Variants in SPOCK1 observed in about 807,000 individuals in gnomAD.
SPOCK1 encodes SPARC (osteonectin), cwcv and kazal like domains proteoglycan 1.
A neutral mutation model predicts 55.3 loss-of-function variants in SPOCK1; 23 were observed. That is an observed-to-expected ratio of 0.42 (90% CI 0.30 to 0.59). SPOCK1 has a LOEUF of 0.59. Among genes scored for constraint, SPOCK1 ranks in the 20% least tolerant of loss-of-function variants. The probability of loss-of-function intolerance (pLI) is 0.22; values close to 1 mark genes in which losing one functional copy is unlikely to be tolerated. For missense variants in SPOCK1, 499 were observed against 552.5 expected (o/e 0.90, Z 0.97); for synonymous variants, 226 against 221.0 (o/e 1.02, Z -0.20).
Position 137,310,678 on chromosome 5 carries a change from T to C in SPOCK1, c.187-43623A>G, listed in dbSNP as rs578249540. Among the ~76,000 whole-genome samples the C allele has an allele frequency of 4.6e-5, 7 of 152,348 alleles. No individual in the cohort carries two copies. In the South Asian group the frequency reaches 1.2e-3, roughly 27 times the overall value. On this transcript the variant is annotated intron_variant, in intron 2 of 10. Coordinates refer to ENST00000394945, the MANE Select transcript of SPOCK1 (RefSeq NM_004598.4). Reference sequence around the variant, plus strand: ...CTGTTCCACTCAAACAAAGTGGGAATCTGCATCTGAAAATGACAGTTCCAA... The same window carrying C: ...CTGTTCCACTCAAACAAAGTGGGAACCTGCATCTGAAAATGACAGTTCCAA...
At chr5:137,159,778 T>A (rs1412757875) in intron 3 of SPOCK1, among the ~76,000 whole-genome samples, 1 of 152,162 alleles carries the variant, frequency 6.6e-6, no homozygotes, top group Non-Finnish European at 1.5e-5. Flanking sequence ...TCTTTGCAAT[T>A]ATGAACTGTC....
Position 137,013,219 on chromosome 5 carries a change from GGTTTTGTTTT to G in SPOCK1, c.590-20629_590-20620del, listed in dbSNP as rs561146794. Among the ~76,000 whole-genome samples, 869 of 142,888 alleles carry G rather than the reference GGTTTTGTTTT, an allele frequency of 6.1e-3. 4 individuals are homozygous for G. Among genetic ancestry groups the G allele is most frequent in the Admixed American group, 9.1e-3 (134 of 14,662 alleles). The allele number at this position is 142,888 out of a possible 152,430, so 93.7% of individuals were successfully genotyped here. A position where few individuals can be genotyped will look rare whatever the true frequency, so the allele number is the denominator to read the frequency against. On this transcript the variant is annotated intron_variant, in intron 6 of 10. Transcript: ENST00000394945. ...TCCATCATTTTGTGATTTCTTTTTAGGTTTTGTTTTGTTTTGTTTTGTTTTTTGGCCTAAG... is the reference window on the plus strand; with the variant it reads ...TCCATCATTTTGTGATTTCTTTTTAGGTTTTGTTTTGTTTTTTGGCCTAAG...
chr5:137,378,948 AC>A (rs1470578341), intron 2 of SPOCK1, among the ~76,000 whole-genome samples: 1 of 152,126 alleles, frequency 6.6e-6, no homozygotes, highest in African/African-American at 2.4e-5. Flanking sequence ...TCACTGCTGT[AC>A]CCTGAGCCAC....
chr5:136,992,158 A>G (rs1196892003), intron 7 of SPOCK1, among the ~76,000 whole-genome samples: 2 of 152,198 alleles, frequency 1.3e-5, no homozygotes, highest in African/African-American at 2.4e-5. Context: ...ACATTTCTAC[A>G]TGGTAAAAGA....
intron 2 of SPOCK1, among the ~76,000 whole-genome samples, chr5:137,326,619 T>C (rs1172336430): frequency 1.3e-5 from 2 of 152,230 alleles, no homozygotes; most frequent in East Asian, 1.9e-4. Flanking sequence ...GTCAGGAAGA[T>C]GTGGATATGA....
chr5:137,441,740 C>A (rs1329589325), intron 2 of SPOCK1, among the ~76,000 whole-genome samples: 1 of 152,168 alleles, frequency 6.6e-6, no homozygotes, highest in Non-Finnish European at 1.5e-5. Flanking sequence ...AGCAAAAGAG[C>A]ACAGACCCAC....
intron 3 of SPOCK1, among the ~76,000 whole-genome samples, chr5:137,178,992 G>A (rs767590913): frequency 1.6e-4 from 25 of 152,204 alleles, no homozygotes; most frequent in Non-Finnish European, 3.2e-4. Flanking sequence ...TGGTGTGTTG[G>A]GTAGGGAATG....
intron 2 of SPOCK1, among the ~76,000 whole-genome samples, chr5:137,475,291 C>T (rs934485596): frequency 6.6e-6 from 1 of 152,060 alleles, no homozygotes; most frequent in Non-Finnish European, 1.5e-5. Context: ...CAGAAGGACC[C>T]CCCTCGCCCC....
intron 2 of SPOCK1, among the ~76,000 whole-genome samples, chr5:137,450,320 C>T (rs1166917260): frequency 3.9e-5 from 6 of 152,316 alleles, no homozygotes; most frequent in Admixed American, 1.3e-4. Flanking sequence ...TTCAGTTCCA[C>T]TCAAAGACTG....
At chr5:137,090,154 G>A (rs1753028272) in intron 5 of SPOCK1, among the ~76,000 whole-genome samples, 1 of 152,218 alleles carries the variant, frequency 6.6e-6, no homozygotes, top group Non-Finnish European at 1.5e-5. Flanking sequence ...TCCCACGCAA[G>A]GCAAGCTGCT....
intron 5 of SPOCK1, among the ~76,000 whole-genome samples, chr5:137,073,088 C>G (rs13186595): frequency 0.59 from 89,816 of 152,076 alleles, 27,705 homozygotes; most frequent in South Asian, 0.75. Context: ...AAGGGAAGGT[C>G]TTTGGTCTCA....
chr5:137,134,539 C>G (rs528890790), intron 4 of SPOCK1, among the ~76,000 whole-genome samples: 1 of 152,234 alleles, frequency 6.6e-6, no homozygotes, highest in Non-Finnish European at 1.5e-5. Flanking sequence ...GCATGAGCCA[C>G]TTGGAGAAGG....
chr5:137,141,859 C>T (rs1379788407), intron 3 of SPOCK1, among the ~76,000 whole-genome samples: 1 of 152,038 alleles, frequency 6.6e-6, no homozygotes. Context: ...GAGTTGATTC[C>T]AACAAAGTAA....
chr5:137,189,489 G>T (rs964292922), intron 3 of SPOCK1, among the ~76,000 whole-genome samples: 3 of 152,192 alleles, frequency 2.0e-5, no homozygotes, highest in Non-Finnish European at 4.4e-5. Flanking sequence ...CAGCACATCT[G>T]TTTACAGCAT....
chr5:137,358,426 A>AAGG (rs1561514378), intron 2 of SPOCK1, among the ~76,000 whole-genome samples: 6 of 64,494 alleles, frequency 9.3e-5, no homozygotes, highest in East Asian at 8.7e-4. Context: ...AGGAAGGAGG[A>AAGG]AAGAAAGAAA....
intron 2 of SPOCK1, among the ~76,000 whole-genome samples, chr5:137,437,650 AT>A (rs1257951324): frequency 6.6e-6 from 1 of 152,256 alleles, no homozygotes; most frequent in Non-Finnish European, 1.5e-5. Context: ...ACATGTGATA[AT>A]TTAACACATT....
At chr5:137,052,976 G>A (rs1365035062) in intron 6 of SPOCK1, among the ~76,000 whole-genome samples, 1 of 151,882 alleles carries the variant, frequency 6.6e-6, no homozygotes, top group Non-Finnish European at 1.5e-5. Context: ...CTGTCCAACT[G>A]CAGGCACAGG....
At position 137,307,066 on chromosome 5, in the gene SPOCK1, C is replaced by G. The variant is rs116112976; in HGVS notation, c.187-40011G>C. The stretch of plus-strand genomic sequence containing the variant: ...TCCTTGCTAGTTGCTAGTTGTTTAT[C>G]TAACCTATTTGAGCCTCAATGCTCT... On this transcript the variant is annotated intron_variant, in intron 2 of 10. Coordinates refer to ENST00000394945, the MANE Select transcript of SPOCK1 (RefSeq NM_004598.4). Among the ~76,000 whole-genome samples, 658 of 152,328 alleles carry G rather than the reference C, an allele frequency of 4.3e-3. 6 individuals are homozygous for G. Among genetic ancestry groups the G allele is most frequent in the Non-Finnish European group, 8.0e-3 (547 of 68,032 alleles).
At chr5:137,466,210 T>C (rs11744278) in intron 2 of SPOCK1, among the ~76,000 whole-genome samples, 4,539 of 152,316 alleles carry the variant, frequency 0.03, 78 homozygotes, top group Non-Finnish European at 0.043. Context: ...CCATCTTTTG[T>C]GTTCCTGATT....
Sources: allele counts gnomAD v4.1 joint callset (sites outside exome capture counted in the v4.1 genomes callset), GRCh38; gene constraint gnomAD v4.1.1; transcripts MANE v1.5; gene names NCBI Gene and HGNC (gene_info 2026-07-23, HGNC 2026-07-21).